Variants in NOC3L observed in about 807,000 individuals in gnomAD.
NOC3L encodes nucleolar complex protein 3 homolog.
NOC3L carries 85 observed loss-of-function variants against 102.5 expected under a neutral mutation model. That is an observed-to-expected ratio of 0.83 (90% CI 0.70 to 0.99). The LOEUF (loss-of-function observed/expected upper bound fraction) is 0.99, where lower values mean the gene tolerates loss of function less well. NOC3L is among the 50% of genes least tolerant of loss of function. The pLI is 0.00. For missense variants in NOC3L, 878 were observed against 914.9 expected (o/e 0.96, Z 0.52); for synonymous variants, 303 against 309.4 (o/e 0.98, Z 0.22).
rs377476410 is a variant in NOC3L, at chr10:94,339,850, T to C, written c.1851A>G (p.Gln617=). ...AGGCAAGAGCTCGCTGCTGAGAAACTTGCTTTCTGCGCTTAGTTAGCATGA... is the reference window on the plus strand; with the variant it reads ...AGGCAAGAGCTCGCTGCTGAGAAACCTGCTTTCTGCGCTTAGTTAGCATGA... ...LDVMLTKRRK[Q]VSQQRALAFI... is the part of the protein sequence containing the mutation. Residue 617 remains glutamine (Q), a synonymous_variant, in exon 17 of 21, where the codon CAA becomes CAG. Transcript: ENST00000371361. 2.4e-5 allele frequency: 39 copies of C among 1,614,080 alleles called. No homozygotes were observed. The highest frequency in any genetic ancestry group is 2.9e-5 in the Non-Finnish European group (34 of 1,180,028).
intron 19 of NOC3L, among the ~76,000 whole-genome samples, chr10:94,336,551 T>C (rs1365200817): frequency 6.6e-6 from 1 of 151,476 alleles, no homozygotes; most frequent in Non-Finnish European, 1.5e-5. Flanking sequence ...TTTCACCATG[T>C]TGGCCAGGCT....
the NOC3L span, chr10:94,324,945 G>T: frequency 6.2e-7 from 1 of 1,614,166 alleles, no homozygotes; most frequent in South Asian, 1.1e-5. Context: ...AACTCAAGAA[G>T]CTCACCAAGT....
At position 94,350,283 on chromosome 10, in the gene NOC3L, T is replaced by C. The variant is rs765106551; in HGVS notation, c.958A>G (p.Lys320Glu). ...TTACTTTTCTTCAGCTTCCTCTGCT[T>C]CCAATCTAATCAAAAGATAACTGTA... ...ENLEQMVKDW[K>E]QRKLKKSNVV... The change falls in exon 9 of 21, where the codon AAG becomes GAG. Residue 320 changes from lysine to glutamate, a missense_variant. Lys to Glu is a moderately conservative substitution (Grantham distance 56, BLOSUM62 1). Transcript: ENST00000371361. 1 of 1,613,810 alleles carries C rather than the reference T, an allele frequency of 6.2e-7. No homozygotes were observed. The highest frequency in any genetic ancestry group is 1.3e-5 in the African/African-American group (1 of 74,924).
intron 18 of NOC3L, 141 bp downstream of exon 18, chr10:94,338,467 A>G (rs1349967328): frequency 1.2e-6 from 1 of 853,162 alleles, no homozygotes; most frequent in African/African-American, 1.7e-5. Context: ...AATGTAGCAT[A>G]CTAACACAGG....
chr10:94,342,603 G>A (rs1341001329), intron 13 of NOC3L, among the ~76,000 whole-genome samples: 1 of 150,568 alleles, frequency 6.6e-6, no homozygotes, highest in Non-Finnish European at 1.5e-5. Flanking sequence ...AGTATTCCCA[G>A]TGCAAATAGG....
In NOC3L at chr10:94,352,310, C is replaced by CT; in HGVS notation, c.951dup (p.Asp318ArgfsTer11). On this transcript the variant is annotated frameshift_variant and splice_region_variant, in exon 8 of 21. Coordinates refer to ENST00000371361, the MANE Select transcript of NOC3L (RefSeq NM_022451.11). LOFTEE classifies it high-confidence loss of function. ...AACTTTGAAGATATGTTTAATATAC[C>CT]TTTAACCATTTGTTCCAGATTTTCC... The CT allele has an allele frequency of 6.3e-7, 1 of 1,586,124 alleles. No individual in the cohort carries two copies. The highest frequency in any genetic ancestry group is 8.7e-7 in the Non-Finnish European group (1 of 1,155,640).
intron 13 of NOC3L, among the ~76,000 whole-genome samples, chr10:94,342,728 CCAA>C (rs2054300139): frequency 7.2e-6 from 1 of 138,876 alleles, no homozygotes. Context: ...GTTTACAAAA[CCAA>C]AAAAAAAAAA....
chr10:94,350,732 A>G lies in NOC3L; in HGVS notation c.953-444T>C, dbSNP rs187096489. 2.2e-3 allele frequency among the ~76,000 whole-genome samples: 333 copies of G among 150,970 alleles called. 2 individuals carry two copies. Among genetic ancestry groups the G allele is most frequent in the African/African-American group, 5.6e-3 (228 of 40,758 alleles). Reference sequence around the variant, plus strand: ...ACATCGTCTCAAAAAAAAAAAAAAAAAAGAAGAAGAAAAAAAGACTTCATA... The same window carrying G: ...ACATCGTCTCAAAAAAAAAAAAAAAGAAGAAGAAGAAAAAAAGACTTCATA... On this transcript the variant is annotated intron_variant, in intron 8 of 20. Transcript: ENST00000371361.
chr10:94,346,152 A>G (rs2054340484), intron 11 of NOC3L, among the ~76,000 whole-genome samples: 1 of 152,204 alleles, frequency 6.6e-6, no homozygotes, highest in Non-Finnish European at 1.5e-5. Flanking sequence ...TGTGTATCAT[A>G]ACTCTAAATT....
At position 94,339,730 on chromosome 10, in the gene NOC3L, A is replaced by G; in HGVS notation, c.1962+9T>C. ...GAACTTAGCTCTGTTCATTTGTATC[A>G]CTACTTACATGCATTAATATTCTGG... is the stretch of plus-strand genomic sequence containing the variant. On this transcript the variant is annotated intron_variant, in intron 17 of 20. Coordinates refer to ENST00000371361, the MANE Select transcript of NOC3L (RefSeq NM_022451.11). 6.2e-7 allele frequency: 1 copy of G among 1,605,688 alleles called. No individual in the cohort carries two copies. Among genetic ancestry groups the G allele is most frequent in the Non-Finnish European group, 8.5e-7 (1 of 1,175,196 alleles).
At chr10:94,352,866 T>C in intron 7 of NOC3L, 30 bp downstream of exon 7, 1 of 1,577,574 alleles carries the variant, frequency 6.3e-7, no homozygotes, top group Non-Finnish European at 8.6e-7. Flanking sequence ...TTATTTTAGA[T>C]AGTAATTATA....
Position 94,339,905 on chromosome 10 carries a change from C to T in NOC3L, c.1796G>A (p.Gly599Asp). 6.2e-7 allele frequency: 1 copy of T among 1,613,606 alleles called. No individual in the cohort carries two copies. Among genetic ancestry groups the T allele is most frequent in the Non-Finnish European group, 8.5e-7 (1 of 1,179,828 alleles). The change falls in exon 17 of 21, where the codon GGT (glycine) becomes GAT (aspartate). Residue 599 changes from glycine to aspartate, a missense_variant. Physicochemically the swap from Gly to Asp is moderately conservative, Grantham distance 94. Coordinates refer to ENST00000371361, the MANE Select transcript of NOC3L (RefSeq NM_022451.11). Reference protein sequence around the residue: ...FKLHAGATNEGVEIVLQCLDV... With the variant: ...FKLHAGATNEDVEIVLQCLDV... ...AAGGCACTGGAGTACAATCTCAACACCTTCATTGGTAGCACCTAAAACAGC... is the reference window on the plus strand; with the variant it reads ...AAGGCACTGGAGTACAATCTCAACATCTTCATTGGTAGCACCTAAAACAGC...
chr10:94,361,701 G>C lies in NOC3L; in HGVS notation c.181C>G (p.Pro61Ala). ...TCCTTTGGGTTCTCCAATGGAATGG[G>C]TTTCTTAGACACAGCATCTTTCACA... ...QAVKDAVSKKPIPLENPKEKR... is the reference protein window; with the variant it reads ...QAVKDAVSKKAIPLENPKEKR... Residue 61 changes from proline to alanine, a missense_variant, in exon 2 of 21, where the codon CCC becomes GCC. Physicochemically the swap from Pro to Ala is conservative, Grantham distance 27. Coordinates refer to ENST00000371361, the MANE Select transcript of NOC3L (RefSeq NM_022451.11). The C allele has an allele frequency of 6.2e-7, 1 of 1,614,064 alleles. No homozygotes were observed. The highest frequency in any genetic ancestry group is 8.5e-7 in the Non-Finnish European group (1 of 1,180,008).
the NOC3L span, chr10:94,327,939 C>CTAAT: frequency 5.7e-6 from 3 of 527,342 alleles, no homozygotes; most frequent in Non-Finnish European, 7.8e-6. Context: ...TTTCAGTATA[C>CTAAT]TAATAAGCCT....
At chr10:94,322,239 CCA>C in the NOC3L span, among the ~76,000 whole-genome samples, 5 of 152,038 alleles carry the variant, frequency 3.3e-5, no homozygotes, top group African/African-American at 1.2e-4. Flanking sequence ...GCCTGTAATC[CCA>C]GTTTTAGGAA....
the NOC3L span, among the ~76,000 whole-genome samples, chr10:94,326,994 A>AC: frequency 2.6e-5 from 4 of 152,054 alleles, no homozygotes; most frequent in Non-Finnish European, 4.4e-5. Context: ...CCCCGTCTCT[A>AC]CTAAAAATAC....
At position 94,352,284 on chromosome 10, in the gene NOC3L, A is replaced by C. The variant is rs1458892066; in HGVS notation, c.952+26T>G. ...TCATGATCAAGGCTAAGTATGTTAC[A>C]AACTTTGAAGATATGTTTAATATAC... On this transcript the variant is annotated intron_variant, in intron 8 of 20. Transcript: ENST00000371361. 2.7e-6 allele frequency: 4 copies of C among 1,472,514 alleles called. No individual in the cohort carries two copies. In the Admixed American group the frequency reaches 6.8e-5, roughly 25 times the overall value. 91.2% of individuals were successfully genotyped at this position (1,472,514 alleles called of 1,614,324 possible).
At chr10:94,340,562 T>A in intron 14 of NOC3L, 66 bp from the exon 15 acceptor site, 1 of 1,390,384 alleles carries the variant, frequency 7.2e-7, no homozygotes. Flanking sequence ...CATTTATAGC[T>A]TTAAAAAAGA....
chr10:94,349,742 A>C (rs1417993519), intron 9 of NOC3L, among the ~76,000 whole-genome samples: 2 of 151,908 alleles, frequency 1.3e-5, no homozygotes, highest in African/African-American at 4.8e-5. Context: ...CATGGTGTAT[A>C]ATTTTCTTTT....
Sources: allele counts gnomAD v4.1 joint callset (sites outside exome capture counted in the v4.1 genomes callset), GRCh38; gene constraint gnomAD v4.1.1; transcripts MANE v1.5; gene names NCBI Gene and HGNC (gene_info 2026-07-23, HGNC 2026-07-21).